Variants in RTCA observed in about 807,000 individuals in gnomAD.
RTCA encodes RNA 3'-terminal phosphate cyclase, also known as RNA terminal phosphate cyclase domain 1.
In RTCA, 37 loss-of-function variants were observed where a neutral mutation model predicts 46.1. The observed-to-expected ratio is 0.80, with a 90% CI of 0.62 to 1.06. The LOEUF is 1.06. Ranked by LOEUF, RTCA falls within the 50% of genes least tolerant of loss-of-function variation. The pLI is 0.00. For synonymous variants in RTCA, 164 were observed against 158.3 expected, an observed-to-expected ratio of 1.04 and a Z score of -0.27; for missense variants, 435 against 455.5, an observed-to-expected ratio of 0.95 and a Z score of 0.41.
At chr1:100,278,904 GAA>G in intron 8 of RTCA, among the ~76,000 whole-genome samples, 1 of 152,290 alleles carries the variant, frequency 6.6e-6, no homozygotes, top group East Asian at 1.9e-4. Flanking sequence ...CAGACGTATT[GAA>G]TTAGAATCTG....
chr1:100,267,980 A>G (rs1665880256), intron 2 of RTCA, 172 bp from the exon 3 acceptor site: 2 of 730,208 alleles, frequency 2.7e-6, no homozygotes, highest in Middle Eastern at 2.5e-4. Flanking sequence ...ACATACTAGC[A>G]GGTAGTCTAG....
At chr1:100,277,146 T>A in intron 7 of RTCA, 112 bp from the exon 8 acceptor site, 2 of 971,146 alleles carry the variant, frequency 2.1e-6, no homozygotes, top group South Asian at 2.7e-5. Flanking sequence ...TTTTGCAATT[T>A]GTTGCCCAGA....
chr1:100,268,366 T>A, intron 3 of RTCA, 71 bp downstream of exon 3: 1 of 1,249,604 alleles, frequency 8.0e-7, no homozygotes, highest in South Asian at 1.4e-5. Context: ...TCTGGGCAAG[T>A]TGCTTAATGT....
rs563701105 is a variant in RTCA at position 100,288,286 on chromosome 1, A to G, written c.999+1083A>G. 3.1e-4 allele frequency among the ~76,000 whole-genome samples: 47 copies of G among 151,974 alleles called. No homozygotes were observed. The South Asian group carries it at 7.1e-3, about 23-fold the overall frequency. On this transcript the variant is annotated intron_variant, in intron 10 of 10. Coordinates refer to ENST00000370128, the MANE Select transcript of RTCA (RefSeq NM_003729.4). ...TTTTGCAGTTAATGCATACAACTTC[A>G]TTTCTTGCTTATTTCAGTAACATGT...
At chr1:100,281,240 T>G (rs762706612) in intron 8 of RTCA, 9 of 533,554 alleles carry the variant, frequency 1.7e-5, no homozygotes, top group Non-Finnish European at 3.1e-5. Context: ...ACTATAACAT[T>G]CTTCAATTTT....
chr1:100,268,183 C>G lies in RTCA; in HGVS notation c.178C>G (p.Arg60Gly), dbSNP rs756355302. The change falls in exon 3 of 11, where the codon CGA becomes GGA. Residue 60 changes from arginine (R) to glycine (G), a missense_variant. Transcript: ENST00000370128. ...ACATTTATCTGGACTGGAAATGATT[C>G]GAGATTTGTGTGATGGGCAACTGGA... ...PQHLSGLEMI[R>G]DLCDGQLEGA... The G allele has an allele frequency of 6.2e-7, 1 of 1,614,062 alleles. No homozygotes were observed. Among genetic ancestry groups the G allele is most frequent in the Non-Finnish European group, 8.5e-7 (1 of 1,179,990 alleles).
In RTCA at chr1:100,266,314, T is replaced by A; in HGVS notation, c.-62T>A. 1 of 1,588,976 alleles carries A rather than the reference T, an allele frequency of 6.3e-7. No homozygotes were observed. The highest frequency in any genetic ancestry group is 8.5e-7 in the Non-Finnish European group (1 of 1,171,300). On this transcript the variant is annotated 5_prime_UTR_variant, in exon 1 of 11. Coordinates refer to ENST00000370128, the MANE Select transcript of RTCA (RefSeq NM_003729.4). The stretch of plus-strand genomic sequence containing the variant: ...GAACTACTGGGCGGGAGCCAACGTC[T>A]CTTCTTTCTCCCGCTCTGGCGGAGG...
chr1:100,270,415 A>T, intron 3 of RTCA, 142 bp from the exon 4 acceptor site: 1 of 938,360 alleles, frequency 1.1e-6, no homozygotes, highest in Non-Finnish European at 1.5e-6. Context: ...TTTTTTAACT[A>T]GAAACTCAAT....
Position 100,285,117 on chromosome 1 carries a change from C to A in RTCA, c.800-111C>A, listed in dbSNP as rs894592871. Reference sequence around the variant, plus strand: ...AGGTGCATTGAGTGGGTTTTTGAGGCCTAAAAATTGTATACCAGTGCTAAT... The same window carrying A: ...AGGTGCATTGAGTGGGTTTTTGAGGACTAAAAATTGTATACCAGTGCTAAT... On this transcript the variant is annotated intron_variant, in intron 8 of 10. Transcript: ENST00000370128. 11 of 746,098 alleles carry A rather than the reference C, an allele frequency of 1.5e-5. No homozygotes were observed. The South Asian group carries it at 1.8e-4, about 12-fold the overall frequency. The allele number at this position is 746,098 out of a possible 1,614,324, so 46.2% of individuals were successfully genotyped here.
Position 100,277,280 on chromosome 1 carries a change from G to C in RTCA, c.763G>C (p.Gly255Arg), listed in dbSNP as rs1303865665. The C allele has an allele frequency of 9.3e-6, 15 of 1,612,296 alleles. No homozygotes were observed. The highest frequency in any genetic ancestry group is 1.1e-5 in the Non-Finnish European group (13 of 1,179,428). Residue 255 changes from glycine to arginine, a missense_variant, in exon 8 of 11, where the codon GGC (glycine) becomes CGC (arginine). Coordinates refer to ENST00000370128, the MANE Select transcript of RTCA (RefSeq NM_003729.4). ...TAGAATTATTGCTGAGACCTCCACT[G>C]GCTGTTTGTTTGCTGGATCATCGCT... ...GIIIIAETST[G>R]CLFAGSSLGK... is the part of the protein sequence containing the mutation.
intron 2 of RTCA, chr1:100,267,651 G>GTT (rs60634058): frequency 0.3 from 230,441 of 776,898 alleles, 421 homozygotes; most frequent in Non-Finnish European, 0.32. Flanking sequence ...GTATGTTCTA[G>GTT]TTTTTTTTTT....
intron 8 of RTCA, among the ~76,000 whole-genome samples, chr1:100,284,625 C>T (rs1666923042): frequency 6.6e-6 from 1 of 152,140 alleles, no homozygotes; most frequent in African/African-American, 2.4e-5. Context: ...AACTCCTGAC[C>T]TCAAGTGATC....
chr1:100,272,568 T>C (rs1666154853), intron 4 of RTCA, among the ~76,000 whole-genome samples: 1 of 152,192 alleles, frequency 6.6e-6, no homozygotes. Flanking sequence ...ACCTCCTGGA[T>C]ACATAGGAGA....
chr1:100,285,696 G>A (rs1376526433), intron 9 of RTCA, among the ~76,000 whole-genome samples: 1 of 152,008 alleles, frequency 6.6e-6, no homozygotes, highest in African/African-American at 2.4e-5. Context: ...TGTTGCCCAG[G>A]CTGGTCTCGA....
At chr1:100,284,556 G>C (rs1666920660) in intron 8 of RTCA, among the ~76,000 whole-genome samples, 1 of 152,072 alleles carries the variant, frequency 6.6e-6, no homozygotes, top group African/African-American at 2.4e-5. Flanking sequence ...ACCATGCCCA[G>C]CTAAATTTTG....
At chr1:100,286,923 CTT>C (rs1667063374) in intron 9 of RTCA, among the ~76,000 whole-genome samples, 174 bp from the exon 10 acceptor site, 1 of 152,114 alleles carries the variant, frequency 6.6e-6, no homozygotes, top group Non-Finnish European at 1.5e-5. Context: ...TACTCACAGA[CTT>C]AGGGTAACAT....
At position 100,287,642 on chromosome 1, in the gene RTCA, CATTTT is replaced by C. The variant is rs201805387; in HGVS notation, c.999+445_999+449del. Among the ~76,000 whole-genome samples the C allele has an allele frequency of 8.5e-3, 1,291 of 152,174 alleles. 16 individuals carry two copies. The highest frequency in any genetic ancestry group is 0.032 in the South Asian group (154 of 4,818). On this transcript the variant is annotated intron_variant, in intron 10 of 10. Coordinates refer to ENST00000370128, the MANE Select transcript of RTCA (RefSeq NM_003729.4). ...AAAAAAATTTATATAAAATTTTAGACATTTTATTTTCTTGATTCTATTGGTAAAAT... is the reference window on the plus strand; with the variant it reads ...AAAAAAATTTATATAAAATTTTAGACATTTTCTTGATTCTATTGGTAAAAT...
At chr1:100,276,307 A>G (rs1408536466) in intron 7 of RTCA, among the ~76,000 whole-genome samples, 3 of 152,258 alleles carry the variant, frequency 2.0e-5, no homozygotes, top group African/African-American at 7.2e-5. Flanking sequence ...AGCTAGTCCT[A>G]TGAGAATATT....
At chr1:100,275,745 C>T in intron 7 of RTCA, 22 bp downstream of exon 7, 1 of 1,595,410 alleles carries the variant, frequency 6.3e-7, no homozygotes, top group Non-Finnish European at 8.5e-7. Flanking sequence ...CTTTTTCCTA[C>T]ACATTAGTTG....
Sources: allele counts gnomAD v4.1 joint callset (sites outside exome capture counted in the v4.1 genomes callset), GRCh38; gene constraint gnomAD v4.1.1; transcripts MANE v1.5; gene names NCBI Gene and HGNC (gene_info 2026-07-23, HGNC 2026-07-21).